Variants in RANBP2 observed in about 807,000 individuals in gnomAD.
RANBP2 encodes RAN binding protein 2.
RANBP2 carries 57 observed loss-of-function variants against 303.6 expected under a neutral mutation model. That is an observed-to-expected ratio of 0.19 (90% CI 0.15 to 0.23). The LOEUF is 0.23. RANBP2 is among the 10% of genes least tolerant of loss of function. RANBP2 has a pLI of 1.00. For missense variants in RANBP2, 3,138 were observed against 3,780.8 expected, an observed-to-expected ratio of 0.83 and a Z score of 4.46; for synonymous variants, 1,167 against 1,301.5, an observed-to-expected ratio of 0.90 and a Z score of 2.23.
At chr2:109,404,534 C>T in the RANBP2 span, among the ~76,000 whole-genome samples, 1 of 152,124 alleles carries the variant, frequency 6.6e-6, no homozygotes. Context: ...AGGCTGGCCA[C>T]AAGCACAGTC....
chr2:108,968,259 A>T, the RANBP2 span, among the ~76,000 whole-genome samples: 4 of 152,180 alleles, frequency 2.6e-5, no homozygotes, highest in African/African-American at 9.7e-5. Context: ...AGCCCCCTAG[A>T]TCTACTAAAT....
At position 108,763,296 on chromosome 2, in the gene RANBP2, A is replaced by G. The variant is rs766033118; in HGVS notation, c.2757A>G (p.Gln919=). The change falls in exon 20 of 29, where the codon CAA becomes CAG. Residue 919 remains glutamine (Q), a synonymous_variant. Transcript: ENST00000283195. ...AACAGCATATTTATGCCTATCCGCA[A>G]CAGATGCACACACCGCCAGTGCAAA... ...PPQQHIYAYP[Q]QMHTPPVQSS... The G allele has an allele frequency of 6.2e-7, 1 of 1,613,900 alleles. No homozygotes were observed. Among genetic ancestry groups the G allele is most frequent in the Non-Finnish European group, 8.5e-7 (1 of 1,179,942 alleles).
the RANBP2 span, among the ~76,000 whole-genome samples, chr2:109,117,497 A>G: frequency 6.6e-6 from 1 of 152,238 alleles, no homozygotes; most frequent in African/African-American, 2.4e-5. Context: ...AAAGTGCAGT[A>G]TTAGGGTGGG....
chr2:108,889,489 T>A, the RANBP2 span, among the ~76,000 whole-genome samples: 2 of 152,178 alleles, frequency 1.3e-5, no homozygotes, highest in Admixed American at 1.3e-4. Context: ...CATATATATT[T>A]AGAATAATTA....
chr2:109,502,674 C>G, the RANBP2 span: 1 of 152,164 alleles, frequency 6.6e-6, no homozygotes, highest in African/African-American at 2.4e-5. Context: ...GATTATTATT[C>G]AAGACCTGGA....
intron 8 of RANBP2, among the ~76,000 whole-genome samples, chr2:108,747,727 C>T (rs1226080523): frequency 6.6e-6 from 1 of 152,162 alleles, no homozygotes; most frequent in Non-Finnish European, 1.5e-5. Flanking sequence ...TGAGACACAA[C>T]TGTGTAGTGG....
At chr2:109,501,812 G>C in the RANBP2 span, 2 of 609,346 alleles carry the variant, frequency 3.3e-6, no homozygotes, top group Non-Finnish European at 5.9e-6. Flanking sequence ...GGCCCAGGGT[G>C]GGGGCCAGGG....
chr2:109,531,339 T>G, the RANBP2 span, among the ~76,000 whole-genome samples: 1 of 152,218 alleles, frequency 6.6e-6, no homozygotes, highest in Admixed American at 6.5e-5. Flanking sequence ...TATGTGCAAC[T>G]GCAGAGGTGC....
chr2:109,023,749 C>T, the RANBP2 span, among the ~76,000 whole-genome samples: 5 of 152,118 alleles, frequency 3.3e-5, no homozygotes, highest in Admixed American at 1.3e-4. Flanking sequence ...TTTGGGGCTG[C>T]AGTGAGCCTT....
At chr2:108,794,837 GAGA>G in the RANBP2 span, 1 of 813,146 alleles carries the variant, frequency 1.2e-6, no homozygotes, top group Non-Finnish European at 1.9e-6. Flanking sequence ...AGTTTGTCAA[GAGA>G]AGGACGGAAG....
chr2:109,467,877 C>G, the RANBP2 span, among the ~76,000 whole-genome samples: 3 of 152,050 alleles, frequency 2.0e-5, no homozygotes, highest in African/African-American at 7.3e-5. Context: ...ACATCCCTCA[C>G]AGACCTCAGA....
At chr2:109,614,416 AG>A in the RANBP2 span, 1 of 1,089,816 alleles carries the variant, frequency 9.2e-7, no homozygotes, top group Non-Finnish European at 1.2e-6. Flanking sequence ...CGCCGTCGGG[AG>A]CCGGCCGCTG....
At chr2:108,856,743 T>C in the RANBP2 span, 1 of 1,550,790 alleles carries the variant, frequency 6.4e-7, no homozygotes, top group South Asian at 1.2e-5. Flanking sequence ...TGTTTCTGAT[T>C]GACACCTAGA....
chr2:109,644,297 A>G, the RANBP2 span, among the ~76,000 whole-genome samples: 2 of 151,836 alleles, frequency 1.3e-5, no homozygotes, highest in Non-Finnish European at 2.9e-5. Context: ...ACAGAGTGAG[A>G]CTCGTCTCAA....
the RANBP2 span, chr2:109,665,653 G>A: frequency 1.3e-5 from 2 of 158,928 alleles, no homozygotes; most frequent in African/African-American, 4.8e-5. Context: ...ATCGCAGGCA[G>A]GTTTAACAGC....
the RANBP2 span, among the ~76,000 whole-genome samples, chr2:109,603,548 T>G: frequency 6.6e-6 from 1 of 152,118 alleles, no homozygotes; most frequent in East Asian, 1.9e-4. Flanking sequence ...CTCATAATAT[T>G]ATTTTTAAAG....
At chr2:109,128,156 G>C in the RANBP2 span, 1 of 152,302 alleles carries the variant, frequency 6.6e-6, no homozygotes, top group African/African-American at 2.4e-5. Flanking sequence ...CGGCCACGAG[G>C]GGGCAGCGCA....
the RANBP2 span, among the ~76,000 whole-genome samples, chr2:109,653,261 G>T: frequency 2.6e-5 from 4 of 152,092 alleles, no homozygotes; most frequent in Admixed American, 2.6e-4. Flanking sequence ...TGGCCGTGGT[G>T]GTGGGCACCT....
At chr2:109,094,533 A>G in the RANBP2 span, among the ~76,000 whole-genome samples, 1 of 152,132 alleles carries the variant, frequency 6.6e-6, no homozygotes, top group Non-Finnish European at 1.5e-5. Flanking sequence ...TGTGATGTTT[A>G]TATAAAAAAA....
Sources: gnomAD v4.1 joint callset for allele counts (sites outside exome capture counted in the v4.1 genomes callset) on GRCh38, gnomAD v4.1.1 for gene constraint, MANE v1.5 for transcripts, NCBI Gene and HGNC (gene_info 2026-07-23, HGNC 2026-07-21) for gene names.